The following GLIPR1 variants were observed in gnomAD, a reference collection of about 807,000 sequenced individuals.
GLIPR1 encodes the protein GLI pathogenesis related 1, also known as glioma pathogenesis-related protein 1.
GLIPR1 carries 38 observed loss-of-function variants against 30.3 expected under a neutral mutation model. The ratio of observed to expected loss-of-function variants is 1.26; its 90% CI spans 0.97 to 1.65. GLIPR1 has a LOEUF of 1.65. Among genes scored for constraint, GLIPR1 ranks in the 40% most tolerant of loss-of-function variants. The probability of loss-of-function intolerance (pLI) is 0.00; values close to 1 mark genes in which losing one functional copy is unlikely to be tolerated. For synonymous variants in GLIPR1, 122 were observed against 110.6 expected (o/e 1.10, Z -0.65); for missense variants, 285 against 326.5 (o/e 0.87, Z 0.98).
intron 3 of GLIPR1, 197 bp downstream of exon 3, chr12:75,490,715 G>T: frequency 4.2e-6 from 2 of 478,344 alleles, no homozygotes; most frequent in Non-Finnish European, 7.5e-6. Flanking sequence ...CATTTTTCTT[G>T]GAGAGAGAGA....
In GLIPR1 at chr12:75,500,939, C is replaced by T. The variant is rs1245294091; in HGVS notation, c.*1961C>T. 1.3e-5 allele frequency: 2 copies of T among 151,918 alleles called. No individual in the cohort carries two copies. The highest frequency in any genetic ancestry group is 4.8e-5 in the African/African-American group (2 of 41,370). 9.4% of individuals were successfully genotyped at this position (151,918 alleles called of 1,614,324 possible). A position where few individuals can be genotyped will look rare whatever the true frequency, so the allele number is the denominator to read the frequency against. On this transcript the variant is annotated 3_prime_UTR_variant, in exon 6 of 6. Coordinates refer to ENST00000266659, the MANE Select transcript of GLIPR1 (RefSeq NM_006851.3). Reference sequence around the variant, plus strand: ...ATGACATTTCTACCTTTTATATAACCAATAATCTACCATAGAATGTAGTAT... The same window carrying T: ...ATGACATTTCTACCTTTTATATAACTAATAATCTACCATAGAATGTAGTAT...
At position 75,503,794 on chromosome 12, in the gene GLIPR1, ACAAT is replaced by A; in HGVS notation, c.*4817_*4820del. 12 of 982,864 alleles carry A rather than the reference ACAAT, an allele frequency of 1.2e-5. No homozygotes were observed. Among genetic ancestry groups the A allele is most frequent in the Non-Finnish European group, 1.8e-5 (12 of 670,872 alleles). 60.9% of individuals were successfully genotyped at this position (982,864 alleles called of 1,614,324 possible). A position where few individuals can be genotyped will look rare whatever the true frequency, so the allele number is the denominator to read the frequency against. On this transcript the variant is annotated 3_prime_UTR_variant, in exon 6 of 6. Coordinates refer to ENST00000266659, the MANE Select transcript of GLIPR1 (RefSeq NM_006851.3). ...TTCTTATAGCTCTGCACACACACAC[ACAAT>A]ATATATATATACACATATCCCACCT...
rs1029644851 is a variant in GLIPR1, at chr12:75,500,871, G to GCACT, written c.*1896_*1899dup. ...ATTGAGTATATTGAGTACCTTCAAA[G>GCACT]CACTCAACTGACAGGTTTTACAGAC... On this transcript the variant is annotated 3_prime_UTR_variant, in exon 6 of 6. Coordinates refer to ENST00000266659, the MANE Select transcript of GLIPR1 (RefSeq NM_006851.3). 1 of 151,988 alleles carries GCACT rather than the reference G, an allele frequency of 6.6e-6. No individual in the cohort carries two copies. The highest frequency in any genetic ancestry group is 2.4e-5 in the African/African-American group (1 of 41,388). The allele number at this position is 151,988 out of a possible 1,614,324, so 9.4% of individuals were successfully genotyped here. A position where few individuals can be genotyped will look rare whatever the true frequency, so the allele number is the denominator to read the frequency against.
chr12:75,483,886 A>G (rs996623201), intron 2 of GLIPR1: 2 of 152,212 alleles, frequency 1.3e-5, no homozygotes, highest in Non-Finnish European at 2.9e-5. Flanking sequence ...ATAGAGGTCA[A>G]AAGACTGTAA....
chr12:75,483,609 T>C (rs567930404), intron 2 of GLIPR1: 1 of 152,312 alleles, frequency 6.6e-6, no homozygotes, highest in African/African-American at 2.4e-5. Context: ...AAATGGATTA[T>C]GACAGTGTTT....
At chr12:75,494,187 A>G (rs898102038) in intron 3 of GLIPR1, 1 of 152,192 alleles carries the variant, frequency 6.6e-6, no homozygotes, top group Non-Finnish European at 1.5e-5. Context: ...TATCGTTATA[A>G]AGTTGTGTGT....
intron 3 of GLIPR1, chr12:75,493,267 G>C (rs1411907698): frequency 1.3e-5 from 2 of 152,172 alleles, no homozygotes; most frequent in Admixed American, 6.5e-5. Flanking sequence ...AAAACAGAGA[G>C]ACCAGTTAGG....
chr12:75,485,434 T>C (rs778323311), intron 2 of GLIPR1, among the ~76,000 whole-genome samples: 1 of 152,188 alleles, frequency 6.6e-6, no homozygotes, highest in Non-Finnish European at 1.5e-5. Flanking sequence ...GAGGATTACT[T>C]GGATTTGATA....
chr12:75,498,807 CTA>C lies in GLIPR1; in HGVS notation c.647-15_647-14del, dbSNP rs2046368968. On this transcript the variant is annotated splice_polypyrimidine_tract_variant and intron_variant, in intron 5 of 5. Coordinates refer to ENST00000266659, the MANE Select transcript of GLIPR1 (RefSeq NM_006851.3). ...GAGGAACAATGTCTAAGAGGATATT[CTA>C]TGTTTGTTTCACAGGTTACTACTCT... 1 of 1,611,884 alleles carries C rather than the reference CTA, an allele frequency of 6.2e-7. No individual in the cohort carries two copies. The highest frequency in any genetic ancestry group is 8.5e-7 in the Non-Finnish European group (1 of 1,178,370).
intron 2 of GLIPR1, chr12:75,487,793 G>C (rs556452296): frequency 1.3e-5 from 6 of 456,234 alleles, no homozygotes; most frequent in Admixed American, 7.0e-5. Context: ...CTTGAATCTC[G>C]CGCGAGAAAA....
Position 75,482,110 on chromosome 12 carries a change from T to C in GLIPR1, c.420+31T>C, listed in dbSNP as rs764285275. The C allele has an allele frequency of 4.4e-6, 7 of 1,593,610 alleles. No individual in the cohort carries two copies. In the African/African-American group the frequency reaches 8.1e-5, roughly 18 times the overall value. On this transcript the variant is annotated intron_variant, in intron 2 of 5. Coordinates refer to ENST00000266659, the MANE Select transcript of GLIPR1 (RefSeq NM_006851.3). ...GATCTGCCCTATATTATCTTGAAACTGTCTTTTCAAGTATGAGGAGAAAAA... is the reference window on the plus strand; with the variant it reads ...GATCTGCCCTATATTATCTTGAAACCGTCTTTTCAAGTATGAGGAGAAAAA...
chr12:75,489,257 G>T (rs935815562), intron 2 of GLIPR1, among the ~76,000 whole-genome samples: 1 of 152,148 alleles, frequency 6.6e-6, no homozygotes, highest in Admixed American at 6.5e-5. Context: ...TTGAGTGCTG[G>T]ATCCCATGTA....
chr12:75,499,747 T>C lies in GLIPR1; in HGVS notation c.*769T>C. On this transcript the variant is annotated 3_prime_UTR_variant, in exon 6 of 6. Coordinates refer to ENST00000266659, the MANE Select transcript of GLIPR1 (RefSeq NM_006851.3). ...AATTTCTCACAAATAAGGCAACTAA[T>C]GCCTGATATCTCAAAATCCTTTACA... is the stretch of plus-strand genomic sequence containing the variant. 1 of 1,325,148 alleles carries C rather than the reference T, an allele frequency of 7.5e-7. No individual in the cohort carries two copies. The highest frequency in any genetic ancestry group is 1.0e-6 in the Non-Finnish European group (1 of 981,548). 82.1% of individuals were successfully genotyped at this position (1,325,148 alleles called of 1,614,324 possible). A position where few individuals can be genotyped will look rare whatever the true frequency, so the allele number is the denominator to read the frequency against.
chr12:75,493,063 C>T (rs1218381254), intron 3 of GLIPR1: 1 of 152,188 alleles, frequency 6.6e-6, no homozygotes. Context: ...GTTTAAACCA[C>T]AGAGACTGGT....
intron 1 of GLIPR1, 145 bp from the exon 2 acceptor site, chr12:75,481,689 T>G (rs922659206): frequency 5.6e-6 from 4 of 709,414 alleles, no homozygotes; most frequent in Non-Finnish European, 9.8e-6. Context: ...CCCTACTCAG[T>G]GCTTGAAGAC....
intron 2 of GLIPR1, among the ~76,000 whole-genome samples, chr12:75,486,770 G>C (rs953563718): frequency 4.0e-5 from 6 of 151,524 alleles, no homozygotes; most frequent in African/African-American, 9.7e-5. Flanking sequence ...TCTGGAAAAG[G>C]CAAAACTACA....
At chr12:75,494,247 A>G (rs1236179498) in intron 3 of GLIPR1, 1 of 152,192 alleles carries the variant, frequency 6.6e-6, no homozygotes, top group Non-Finnish European at 1.5e-5. Context: ...TGCTGGGGAG[A>G]GGAGGACCAT....
Position 75,501,920 on chromosome 12 carries a change from T to A in GLIPR1, c.*2942T>A, listed in dbSNP as rs903040762. The stretch of plus-strand genomic sequence containing the variant: ...CATGTGAGCCAGACATAAAGTGCCG[T>A]ACCTTTATTGCTTCCATTTTCTGCC... On this transcript the variant is annotated 3_prime_UTR_variant, in exon 6 of 6. Coordinates refer to ENST00000266659, the MANE Select transcript of GLIPR1 (RefSeq NM_006851.3). 1.7e-5 allele frequency: 28 copies of A among 1,607,652 alleles called. No homozygotes were observed. The highest frequency in any genetic ancestry group is 2.4e-5 in the Non-Finnish European group (28 of 1,178,114).
chr12:75,482,694 A>T (rs2046276769), intron 2 of GLIPR1, among the ~76,000 whole-genome samples: 1 of 150,596 alleles, frequency 6.6e-6, no homozygotes, highest in African/African-American at 2.4e-5. Flanking sequence ...CAATAGCCAC[A>T]TTCAGAGCCA....
Sources: allele counts gnomAD v4.1 joint callset (sites outside exome capture counted in the v4.1 genomes callset), GRCh38; gene constraint gnomAD v4.1.1; transcripts MANE v1.5; gene names NCBI Gene and HGNC (gene_info 2026-07-23, HGNC 2026-07-21).